NDUFAF6: variants seen among roughly 807,000 people sequenced by gnomAD.
The protein encoded by NDUFAF6 is NADH:ubiquinone oxidoreductase complex assembly factor 6, also known as NADH dehydrogenase (ubiquinone) complex I, assembly factor 6.
Under a neutral mutation model 40.8 loss-of-function variants are expected in NDUFAF6, and 45 were observed. The observed-to-expected ratio is 1.10, with a 90% CI of 0.87 to 1.42. The LOEUF is 1.42. Among genes scored for constraint, NDUFAF6 ranks in the 40% most tolerant of loss-of-function variants. The pLI is 0.00. For missense variants in NDUFAF6, 435 were observed against 418.5 expected, an observed-to-expected ratio of 1.04 and a Z score of -0.34; for synonymous variants, 185 against 155.9, an observed-to-expected ratio of 1.19 and a Z score of -1.39.
Position 95,048,546 on chromosome 8 carries a change from G to A in NDUFAF6, c.804G>A (p.Leu268=). Residue 268 remains leucine, a synonymous_variant, in exon 7 of 9, where the codon TTG becomes TTA. Coordinates refer to ENST00000396124, the MANE Select transcript of NDUFAF6 (RefSeq NM_152416.4). ...ATGACATTGCCAGTCAAGCACACTT[G>A]CACCTAAAGCATGTAAGTCGGCTTT... ...VIYDIASQAH[L]HLKHARSFHK... 1 of 1,613,790 alleles carries A rather than the reference G, an allele frequency of 6.2e-7. No individual in the cohort carries two copies. Among genetic ancestry groups the A allele is most frequent in the Non-Finnish European group, 8.5e-7 (1 of 1,179,706 alleles).
At chr8:94,954,534 G>T (rs1348474109), upstream of NDUFAF6, among the ~76,000 whole-genome samples, 1 of 152,198 alleles carries the variant, frequency 6.6e-6, no homozygotes, top group African/African-American at 2.4e-5. Flanking sequence ...CTGGGTAAAG[G>T]GTTAGAGAGA....
At chr8:95,034,022 C>A (rs1454099863) in intron 2 of NDUFAF6, 1 of 457,706 alleles carries the variant, frequency 2.2e-6, no homozygotes, top group African/African-American at 2.0e-5. Flanking sequence ...ACTCTTGCTG[C>A]TGTCTTGCTG....
rs1301138427 is a variant in NDUFAF6 at position 94,904,591 on chromosome 8, C to G, written c.-936+8664C>G. ...AATGATTTTAAGTTTCTATTTTTTA[C>G]TTTTCTTGATTCTGTTCTTTATGTC... is the stretch of plus-strand genomic sequence containing the variant. On this transcript the variant is annotated intron_variant, in intron 1 of 14. Coordinates refer to the NDUFAF6 transcript ENST00000396113. Among the ~76,000 whole-genome samples the G allele has an allele frequency of 2.6e-5, 4 of 151,944 alleles. No homozygotes were observed. The East Asian group carries it at 7.7e-4, about 29-fold the overall frequency.
At chr8:94,946,173 T>C (rs1372281704) in intron 2 of NDUFAF6, among the ~76,000 whole-genome samples, 1 of 152,170 alleles carries the variant, frequency 6.6e-6, no homozygotes, top group South Asian at 2.1e-4. Flanking sequence ...ATGCACTGTT[T>C]TGTATCTCAC....
intron 2 of NDUFAF6, chr8:94,950,302 T>G (rs888760990): frequency 6.6e-6 from 1 of 152,242 alleles, no homozygotes. Flanking sequence ...CTTGAAAGTG[T>G]TTTCCAGACC....
chr8:94,919,736 C>G (rs141241386), intron 1 of NDUFAF6, among the ~76,000 whole-genome samples: 1 of 152,328 alleles, frequency 6.6e-6, no homozygotes, highest in African/African-American at 2.4e-5. Context: ...CAATATCCTG[C>G]ATCTGTAACA....
chr8:94,898,228 A>C (rs576739287), intron 1 of NDUFAF6, among the ~76,000 whole-genome samples: 1 of 152,284 alleles, frequency 6.6e-6, no homozygotes, highest in East Asian at 1.9e-4. Flanking sequence ...TTATTAACTA[A>C]AGTCCATACT....
intron 2 of NDUFAF6, among the ~76,000 whole-genome samples, chr8:94,982,330 G>A (rs146636683): frequency 6.6e-6 from 1 of 152,270 alleles, no homozygotes; most frequent in East Asian, 1.9e-4. Context: ...ACAGTAACAT[G>A]CTGTGCAGGT....
At chr8:94,992,698 T>G (rs532897326) in intron 2 of NDUFAF6, among the ~76,000 whole-genome samples, 65 of 152,216 alleles carry the variant, frequency 4.3e-4, no homozygotes, top group Non-Finnish European at 7.5e-4. Context: ...CCTTGAGATA[T>G]CTAAAGATCT....
chr8:94,958,522 CTTTTTTTTTTTTTTTTT>C (rs55703438), intron 1 of NDUFAF6, among the ~76,000 whole-genome samples: 2 of 71,244 alleles, frequency 2.8e-5, no homozygotes, highest in African/African-American at 5.9e-5. Context: ...TAGTCACATT[CTTTTTTTTTTTTTTTTT>C]TTTTTTTTTT....
rs138555313 is a variant in NDUFAF6 at position 95,011,545 on chromosome 8, T to G, written c.-83-20450T>G. On this transcript the variant is annotated intron_variant, in intron 2 of 9. Transcript: ENST00000396111. The stretch of plus-strand genomic sequence containing the variant: ...CGGAGAGTGACATTTGGGAGCTGAA[T>G]ATGAGAATGTTACTGCCCTAGATGC... Among the ~76,000 whole-genome samples the G allele has an allele frequency of 5.4e-3, 826 of 152,288 alleles. 10 individuals are homozygous for G. The highest frequency in any genetic ancestry group is 0.018 in the African/African-American group (764 of 41,550).
intron 3 of NDUFAF6, among the ~76,000 whole-genome samples, chr8:95,037,148 CTG>C (rs1417841179): frequency 6.6e-6 from 1 of 152,232 alleles, no homozygotes; most frequent in Non-Finnish European, 1.5e-5. Flanking sequence ...CCCCATTTCT[CTG>C]TATGAATTTT....
chr8:95,061,679 AATAG>A (rs570280464), downstream of NDUFAF6, among the ~76,000 whole-genome samples: 63 of 152,340 alleles, frequency 4.1e-4, no homozygotes, highest in African/African-American at 1.2e-3. Flanking sequence ...TGGAACAATA[AATAG>A]ATAGGTAGAC....
chr8:95,036,166 G>A lies in NDUFAF6; in HGVS notation c.420+590G>A, dbSNP rs1451877928. On this transcript the variant is annotated intron_variant, in intron 3 of 8. Transcript: ENST00000396124. ...GTATAGCTAGATATATACCATAAATGGTTTTATAGTAAAGCAGCTGTATGG... is the reference window on the plus strand; with the variant it reads ...GTATAGCTAGATATATACCATAAATAGTTTTATAGTAAAGCAGCTGTATGG... 14 of 525,964 alleles carry A rather than the reference G, an allele frequency of 2.7e-5. No individual in the cohort carries two copies. The South Asian group carries it at 3.2e-4, about 12-fold the overall frequency. The allele number at this position is 525,964 out of a possible 1,614,324, so 32.6% of individuals were successfully genotyped here. A position where few individuals can be genotyped will look rare whatever the true frequency, so the allele number is the denominator to read the frequency against.
intron 1 of NDUFAF6, among the ~76,000 whole-genome samples, chr8:95,030,647 CT>C (rs943479138): frequency 2.6e-5 from 4 of 152,188 alleles, no homozygotes; most frequent in Non-Finnish European, 5.9e-5. Flanking sequence ...CATTTCTTTA[CT>C]TTTTGCTCAA....
intron 1 of NDUFAF6, among the ~76,000 whole-genome samples, chr8:94,916,650 C>T (rs1384264485): frequency 6.6e-6 from 1 of 151,282 alleles, no homozygotes; most frequent in Admixed American, 6.6e-5. Flanking sequence ...CCCTTCTCTA[C>T]TAAAAATACA....
chr8:95,085,015 A>G (rs1361354932), intron 2 of NDUFAF6, among the ~76,000 whole-genome samples: 3 of 152,264 alleles, frequency 2.0e-5, no homozygotes, highest in African/African-American at 7.2e-5. Context: ...GGCATAAGGC[A>G]TTATAATACC....
chr8:95,072,676 T>C (rs1832906727), intron 9 of NDUFAF6: 1 of 152,346 alleles, frequency 6.6e-6, no homozygotes, highest in Admixed American at 6.5e-5. Flanking sequence ...CAGATGGGCA[T>C]TACTGGGGCA....
chr8:95,003,873 G>A (rs1023541360), intron 2 of NDUFAF6, among the ~76,000 whole-genome samples: 1 of 152,132 alleles, frequency 6.6e-6, no homozygotes, highest in African/African-American at 2.4e-5. Context: ...CATTCATGCT[G>A]TCTAAATTGG....
Sources: allele counts gnomAD v4.1 joint callset (sites outside exome capture counted in the v4.1 genomes callset), GRCh38; gene constraint gnomAD v4.1.1; transcripts MANE v1.5; gene names NCBI Gene and HGNC (gene_info 2026-07-23, HGNC 2026-07-21).